Variants in ROR2 observed in about 807,000 individuals in gnomAD.
The protein encoded by ROR2 is ROR family WNT receptor 2, also known as tyrosine-protein kinase transmembrane receptor ROR2.
A neutral mutation model predicts 74.9 loss-of-function variants in ROR2; 33 were observed. The observed-to-expected ratio is 0.44, with a 90% CI of 0.33 to 0.59. The LOEUF (loss-of-function observed/expected upper bound fraction) is 0.59, where lower values mean the gene tolerates loss of function less well. Among genes scored for constraint, ROR2 ranks in the 20% least tolerant of loss-of-function variants. ROR2 has a pLI of 0.02. For synonymous variants in ROR2, 586 were observed against 558.7 expected (o/e 1.05, Z -0.69); for missense variants, 1,216 against 1,313.8 (o/e 0.93, Z 1.15).
chr9:91,813,269 C>T (rs1587743703), intron 1 of ROR2, among the ~76,000 whole-genome samples: 1 of 152,112 alleles, frequency 6.6e-6, no homozygotes, highest in Admixed American at 6.5e-5. Context: ...TCACACCCCT[C>T]GCTCTACAAA....
Position 91,733,297 on chromosome 9 carries a change from G to T in ROR2, c.762C>A (p.Asp254Glu), listed in dbSNP as rs775610296. ...RTPKPRELCR[D>E]ECEVLESDLC... ...GGTCGCTCTCCAGCACCTCGCACTC[G>T]TCGCGGCACAGCTCACGCGGCTTGG... The change falls in exon 6 of 9, where the codon GAC becomes GAA. Residue 254 changes from aspartate (D) to glutamate (E), a missense_variant. Asp to Glu is a conservative substitution (Grantham distance 45). Coordinates refer to ENST00000375708, the MANE Select transcript of ROR2 (RefSeq NM_004560.4). The surrounding 1 kb of genome is among the most constrained non-coding windows in gnomAD (Gnocchi z 5.7). 6.2e-7 allele frequency: 1 copy of T among 1,612,850 alleles called. No individual in the cohort carries two copies. The highest frequency in any genetic ancestry group is 8.5e-7 in the Non-Finnish European group (1 of 1,179,754).
intron 1 of ROR2, among the ~76,000 whole-genome samples, chr9:91,944,896 A>C (rs1006635509): frequency 1.3e-5 from 2 of 152,070 alleles, no homozygotes; most frequent in Non-Finnish European, 2.9e-5. Flanking sequence ...CTACGAAAAA[A>C]AATCAAAGAA....
intron 1 of ROR2, among the ~76,000 whole-genome samples, chr9:91,925,662 A>C (rs1424636683): frequency 1.3e-5 from 2 of 152,184 alleles, no homozygotes; most frequent in Non-Finnish European, 2.9e-5. Context: ...GCAGAAAACC[A>C]ACAGATGGAT....
intron 1 of ROR2, among the ~76,000 whole-genome samples, chr9:91,830,857 G>T (rs546771858): frequency 8.1e-6 from 1 of 124,144 alleles, no homozygotes; most frequent in African/African-American, 3.5e-5. Context: ...TGTGTGTGTA[G>T]AGAAACTCAA....
At chr9:91,734,508 C>A (rs1310343117) in intron 5 of ROR2, among the ~76,000 whole-genome samples, 2 of 152,114 alleles carry the variant, frequency 1.3e-5, no homozygotes, top group East Asian at 1.9e-4. Context: ...AGAATGCTGG[C>A]CTTGACCTCC....
intron 1 of ROR2, among the ~76,000 whole-genome samples, chr9:91,912,318 T>C (rs1362682437): frequency 2.0e-5 from 3 of 152,128 alleles, no homozygotes. Flanking sequence ...TAAAATTTCC[T>C]ACTTATTAGT....
intron 2 of ROR2, among the ~76,000 whole-genome samples, chr9:91,770,135 A>C (rs1826181737): frequency 6.6e-6 from 1 of 152,192 alleles, no homozygotes; most frequent in African/African-American, 2.4e-5. Flanking sequence ...TTAAGGAATA[A>C]CAGAGCAGTC....
At chr9:91,809,020 A>G (rs1827663419) in intron 1 of ROR2, among the ~76,000 whole-genome samples, 1 of 151,702 alleles carries the variant, frequency 6.6e-6, no homozygotes, top group African/African-American at 2.4e-5. Flanking sequence ...AAAAAGTGTG[A>G]AGTATTAAAC....
rs1222664073 is a variant in ROR2 at position 91,757,260 on chromosome 9, T to C, written c.463+12A>G. On this transcript the variant is annotated intron_variant, in intron 3 of 8. Transcript: ENST00000375708. ...TATCTGCTAACCCACACAATTTCAC[T>C]GTCCAACTCACCCAGCCGCACAAAC... is the stretch of plus-strand genomic sequence containing the variant. 7 of 1,613,894 alleles carry C rather than the reference T, an allele frequency of 4.3e-6. No individual in the cohort carries two copies. Among genetic ancestry groups the C allele is most frequent in the Admixed American group, 1.7e-5 (1 of 60,010 alleles).
At chr9:91,782,683 G>A (rs1467272407) in intron 1 of ROR2, among the ~76,000 whole-genome samples, 1 of 151,622 alleles carries the variant, frequency 6.6e-6, no homozygotes, top group African/African-American at 2.4e-5. Context: ...CCACGGGTTA[G>A]ACAAGCTTGC....
At chr9:91,781,287 G>A (rs1826612089) in intron 1 of ROR2, among the ~76,000 whole-genome samples, 1 of 152,204 alleles carries the variant, frequency 6.6e-6, no homozygotes, top group Non-Finnish European at 1.5e-5. Context: ...TGAATGGCAA[G>A]GACAGATTTC....
intron 1 of ROR2, among the ~76,000 whole-genome samples, chr9:91,810,645 C>G (rs1466620523): frequency 6.6e-6 from 1 of 152,168 alleles, no homozygotes; most frequent in Non-Finnish European, 1.5e-5. Flanking sequence ...GACGCCTGTC[C>G]GGTCACTCTC....
intron 1 of ROR2, among the ~76,000 whole-genome samples, chr9:91,933,378 TAA>T (rs1050933333): frequency 2.0e-5 from 3 of 148,438 alleles, no homozygotes; most frequent in African/African-American, 7.4e-5. Flanking sequence ...CTCACAGAGT[TAA>T]AAAAAAAAAT....
intron 1 of ROR2, among the ~76,000 whole-genome samples, chr9:91,840,901 ATCC>A (rs1476688839): frequency 6.6e-6 from 1 of 152,262 alleles, no homozygotes. Context: ...CATTTGTTGT[ATCC>A]TATACATGTG....
chr9:91,918,071 AC>A (rs1484713987), intron 1 of ROR2, among the ~76,000 whole-genome samples: 1 of 152,050 alleles, frequency 6.6e-6, no homozygotes, highest in East Asian at 1.9e-4. Context: ...GGAGATCGAG[AC>A]CATCCTGGCT....
Position 91,725,079 on chromosome 9 carries a change from G to A in ROR2, c.1415C>T (p.Ala472Val), listed in dbSNP as rs778499890. 39 of 1,613,844 alleles carry A rather than the reference G, an allele frequency of 2.4e-5. No homozygotes were observed. Among genetic ancestry groups the A allele is most frequent in the Non-Finnish European group, 3.0e-5 (35 of 1,180,040 alleles). The change falls in exon 9 of 9, where the codon GCG becomes GTG. Residue 472 changes from alanine (A) to valine (V), a missense_variant. Physicochemically the swap from Ala to Val is moderately conservative, Grantham distance 64. Transcript: ENST00000375708. ...TCCCAGCTCCTCCATGAACCTCACC[G>A]CAGACAGGCTGATCTCTTTGAGTTT... ...QAKLKEISLS[A>V]VRFMEELGED...
intron 1 of ROR2, among the ~76,000 whole-genome samples, chr9:91,851,093 C>T (rs567954415): frequency 1.3e-5 from 2 of 152,204 alleles, no homozygotes; most frequent in South Asian, 2.1e-4. Context: ...TGGCTCATGC[C>T]TGTAATCCCA....
chr9:91,884,456 A>T (rs973541235), intron 1 of ROR2, among the ~76,000 whole-genome samples: 1 of 136,560 alleles, frequency 7.3e-6, no homozygotes, highest in Non-Finnish European at 1.5e-5. Context: ...CTTACTCTCC[A>T]CTTACCTTTG....
chr9:91,933,820 T>C (rs1225474455), intron 1 of ROR2, among the ~76,000 whole-genome samples: 1 of 152,170 alleles, frequency 6.6e-6, no homozygotes, highest in Non-Finnish European at 1.5e-5. Flanking sequence ...AGATTAGCGG[T>C]TGCCAGAGGC....
Sources: gnomAD v4.1 joint callset for allele counts (sites outside exome capture counted in the v4.1 genomes callset) on GRCh38, gnomAD v4.1.1 for gene constraint, Gnocchi (gnomAD v3.1) non-coding constraint, MANE v1.5 for transcripts, NCBI Gene and HGNC (gene_info 2026-07-23, HGNC 2026-07-21) for gene names.